CDH3: variants seen among roughly 807,000 people sequenced by gnomAD.
CDH3 encodes cadherin-3.
Under a neutral mutation model 82.0 loss-of-function variants are expected in CDH3, and 54 were observed. The observed-to-expected ratio is 0.66, with a 90% CI of 0.53 to 0.83. CDH3 has a LOEUF of 0.83. Ranked by LOEUF, CDH3 falls within the 40% of genes least tolerant of loss-of-function variation. The pLI is 0.00. For missense variants in CDH3, 1,054 were observed against 1,084.6 expected, an observed-to-expected ratio of 0.97 and a Z score of 0.40; for synonymous variants, 446 against 437.9, an observed-to-expected ratio of 1.02 and a Z score of -0.23.
chr16:68,723,865 C>T (rs1328593452), intron 2 of CDH3, among the ~76,000 whole-genome samples: 5 of 152,074 alleles, frequency 3.3e-5, no homozygotes, highest in Non-Finnish European at 5.9e-5. Context: ...GTCAGGAGAT[C>T]GAGACCATCC....
At chr16:68,645,563 C>A in intron 1 of CDH3, 73 bp from the exon 2 acceptor site, 1 of 1,457,714 alleles carries the variant, frequency 6.9e-7, no homozygotes, top group Admixed American at 2.0e-5. Context: ...CCCGTGAGGA[C>A]CCTGCGGTGT....
At chr16:68,667,467 C>T (rs897341272) in intron 2 of CDH3, among the ~76,000 whole-genome samples, 1 of 152,098 alleles carries the variant, frequency 6.6e-6, no homozygotes, top group Non-Finnish European at 1.5e-5. Context: ...ATTTTGTCTA[C>T]GGAAAGATGG....
chr16:68,691,986 C>T (rs747118906), intron 13 of CDH3, 60 bp downstream of exon 13: 7 of 1,397,882 alleles, frequency 5.0e-6, no homozygotes, highest in African/African-American at 2.9e-5. Context: ...CTGGATTCTA[C>T]CTTGAGCTTT....
intron 12 of CDH3, 58 bp downstream of exon 12, chr16:68,687,794 CCCA>C: frequency 8.1e-7 from 1 of 1,239,994 alleles, no homozygotes; most frequent in African/African-American, 1.5e-5. Flanking sequence ...GGGCATCTGC[CCCA>C]CACCAGGATT....
intron 1 of CDH3, among the ~76,000 whole-genome samples, chr16:68,708,509 A>G (rs1293914552): frequency 2.6e-5 from 4 of 152,080 alleles, no homozygotes; most frequent in East Asian, 1.9e-4. Context: ...TCCTTCAGGC[A>G]TCACCCACAT....
intron 2 of CDH3, among the ~76,000 whole-genome samples, chr16:68,661,664 T>C (rs1375735756): frequency 2.0e-5 from 3 of 152,268 alleles, no homozygotes; most frequent in East Asian, 1.9e-4. Context: ...GTGGGGGAGA[T>C]AGGCAATTAA....
chr16:68,697,197 G>A lies in CDH3; in HGVS notation c.2281-994G>A, dbSNP rs531867914. ...AAATTAGCTGGGCGTCCTGGTGGGC[G>A]CCTGTAGTCCCAGCTACTCAGGAGG... On this transcript the variant is annotated intron_variant, in intron 15 of 15. Transcript: ENST00000264012. Among the ~76,000 whole-genome samples the A allele has an allele frequency of 4.7e-4, 72 of 151,738 alleles. 1 individual carries two copies. In the South Asian group the frequency reaches 0.014, roughly 30 times the overall value.
chr16:68,728,714 T>C (rs188436210), downstream of CDH3, among the ~76,000 whole-genome samples: 522 of 152,186 alleles, frequency 3.4e-3, 7 homozygotes, highest in African/African-American at 0.012. Context: ...AGCTAATGGA[T>C]GGGAACAGCC....
intron 12 of CDH3, 68 bp from the exon 13 acceptor site, chr16:68,691,652 T>C: frequency 1.6e-6 from 2 of 1,251,456 alleles, no homozygotes; most frequent in South Asian, 2.4e-5. Flanking sequence ...TCTCAAACTT[T>C]CTTCATGGTG....
intron 2 of CDH3, among the ~76,000 whole-genome samples, chr16:68,664,685 G>T (rs572863440): frequency 6.6e-6 from 1 of 152,032 alleles, no homozygotes; most frequent in Non-Finnish European, 1.5e-5. Context: ...TTTGAGACAG[G>T]GTCTCTCTCT....
chr16:68,666,385 T>G (rs543417838), intron 2 of CDH3, among the ~76,000 whole-genome samples: 4 of 152,290 alleles, frequency 2.6e-5, no homozygotes, highest in Admixed American at 2.6e-4. Context: ...CCCAGGGCTC[T>G]GGCAGGCCCT....
At chr16:68,710,173 T>C (rs865990640) in intron 1 of CDH3, among the ~76,000 whole-genome samples, 7 of 149,236 alleles carry the variant, frequency 4.7e-5, no homozygotes, top group Non-Finnish European at 7.4e-5. Flanking sequence ...GGGCTGGGTT[T>C]GGCACTGGCT....
At chr16:68,696,033 TCCA>T in intron 15 of CDH3, 110 bp downstream of exon 15, 1 of 1,159,566 alleles carries the variant, frequency 8.6e-7, no homozygotes, top group Non-Finnish European at 1.3e-6. Flanking sequence ...AAATTCTGAC[TCCA>T]CCACCAACCA....
At chr16:68,681,172 C>A (rs1469217662) in intron 8 of CDH3, 76 bp downstream of exon 8, 7 of 1,523,690 alleles carry the variant, frequency 4.6e-6, no homozygotes, top group Non-Finnish European at 6.4e-6. Flanking sequence ...AAACTGGAAC[C>A]AGTCTATATT....
At chr16:68,669,495 G>A (rs1295776360) in intron 2 of CDH3, among the ~76,000 whole-genome samples, 1 of 152,134 alleles carries the variant, frequency 6.6e-6, no homozygotes, top group East Asian at 1.9e-4. Context: ...CTACAAATAT[G>A]TGGAACCATG....
chr16:68,678,883 G>T lies in CDH3; in HGVS notation c.668G>T (p.Ser223Ile). ...PKFTQDTFRG[S>I]VLEGVLPGTS... ...TTTACCCAGGACACCTTCCGAGGGA[G>T]TGTCTTAGAGGGAGTCCTACCAGGT... The change falls in exon 6 of 16, where the codon AGT (serine) becomes ATT (isoleucine). Residue 223 changes from serine to isoleucine, a missense_variant. Ser to Ile is a moderately radical substitution (Grantham distance 142). Coordinates refer to ENST00000264012, the MANE Select transcript of CDH3 (RefSeq NM_001793.6). 6.2e-7 allele frequency: 1 copy of T among 1,613,966 alleles called. No homozygotes were observed.
At chr16:68,649,672 C>T (rs1366263644) in intron 2 of CDH3, among the ~76,000 whole-genome samples, 2 of 151,990 alleles carry the variant, frequency 1.3e-5, no homozygotes, top group African/African-American at 4.8e-5. Flanking sequence ...GGGCGTGTGG[C>T]CAGGGGAGAT....
intron 15 of CDH3, 124 bp downstream of exon 15, chr16:68,696,047 G>A (rs1271919793): frequency 1.6e-5 from 16 of 981,566 alleles, no homozygotes; most frequent in Non-Finnish European, 2.4e-5. Flanking sequence ...CCACCAACCA[G>A]CTTTTGACCT....
At chr16:68,654,711 AAAATAT>A (rs1220521326) in intron 2 of CDH3, among the ~76,000 whole-genome samples, 6 of 132,344 alleles carry the variant, frequency 4.5e-5, no homozygotes, top group Non-Finnish European at 6.3e-5. Flanking sequence ...TCAAAAAAAA[AAAATAT>A]ATATATATAT....
Sources: allele counts gnomAD v4.1 joint callset (sites outside exome capture counted in the v4.1 genomes callset), GRCh38; gene constraint gnomAD v4.1.1; transcripts MANE v1.5; gene names NCBI Gene and HGNC (gene_info 2026-07-23, HGNC 2026-07-21).